Variants in CHSY1 observed in about 807,000 individuals in gnomAD.
The protein encoded by CHSY1 is N-acetylgalactosaminyl-proteoglycan 3-beta-glucuronosyltransferase 1.
Under a neutral mutation model 59.8 loss-of-function variants are expected in CHSY1, and 13 were observed. The observed-to-expected ratio is 0.22, with a 90% CI of 0.14 to 0.35. The LOEUF (loss-of-function observed/expected upper bound fraction) is 0.35. Ranked by LOEUF, CHSY1 falls within the 10% of genes least tolerant of loss-of-function variation. The probability of loss-of-function intolerance (pLI) is 1.00; values close to 1 mark genes in which losing one functional copy is unlikely to be tolerated. For missense variants in CHSY1, 947 were observed against 1,030.6 expected (o/e 0.92, Z 1.11); for synonymous variants, 459 against 401.2 (o/e 1.14, Z -1.72).
Position 101,207,984 on chromosome 15 carries a change from G to C in CHSY1, c.816+27098C>G, listed in dbSNP as rs537716210. Among the ~76,000 whole-genome samples the C allele has an allele frequency of 6.6e-5, 10 of 152,334 alleles. No individual in the cohort carries two copies. In the East Asian group the frequency reaches 1.7e-3, roughly 26 times the overall value. On this transcript the variant is annotated intron_variant, in intron 2 of 2. Coordinates refer to ENST00000254190, the MANE Select transcript of CHSY1 (RefSeq NM_014918.5). ...GTTGAGTCACATAGGGAAGGCACCG[G>C]GAAGGAGGCATTGCAACAGAGGATT...
intron 2 of CHSY1, among the ~76,000 whole-genome samples, chr15:101,217,202 ACT>A (rs2038742292): frequency 6.6e-6 from 1 of 152,196 alleles, no homozygotes; most frequent in African/African-American, 2.4e-5. Context: ...CAGGTTTCTC[ACT>A]GTTTGGGAGG....
At chr15:101,235,013 A>C in intron 2 of CHSY1, 69 bp downstream of exon 2, 3 of 1,579,506 alleles carry the variant, frequency 1.9e-6, no homozygotes, top group Middle Eastern at 1.7e-4. Context: ...GTTTCCTATG[A>C]TACGCTCAGA....
chr15:101,232,977 T>C (rs1317432321), intron 2 of CHSY1, among the ~76,000 whole-genome samples: 1 of 152,096 alleles, frequency 6.6e-6, no homozygotes, highest in African/African-American at 2.4e-5. Context: ...GCTGCTGCTG[T>C]CCCTGACCCA....
At chr15:101,206,416 C>T (rs1483831099) in intron 2 of CHSY1, among the ~76,000 whole-genome samples, 1 of 151,952 alleles carries the variant, frequency 6.6e-6, no homozygotes, top group Non-Finnish European at 1.5e-5. Flanking sequence ...GGCACACTAC[C>T]CACAGGCAGG....
intron 2 of CHSY1, among the ~76,000 whole-genome samples, chr15:101,185,165 T>C (rs1266137290): frequency 6.6e-6 from 1 of 152,212 alleles, no homozygotes; most frequent in Non-Finnish European, 1.5e-5. Flanking sequence ...CCTCAGCGTG[T>C]GGAATGGGAG....
rs1474156927 is a variant in CHSY1 at position 101,176,027 on chromosome 15, C to T, written c.*1361G>A. 2.7e-6 allele frequency: 1 copy of T among 364,788 alleles called. No homozygotes were observed. The highest frequency in any genetic ancestry group is 2.1e-5 in the African/African-American group (1 of 47,898). 22.6% of individuals were successfully genotyped at this position (364,788 alleles called of 1,614,324 possible). On this transcript the variant is annotated 3_prime_UTR_variant, in exon 3 of 3. Transcript: ENST00000254190. ...CTTTTGTCCCCAAAACACATGAGCA[C>T]CAAAATTGTCAAAGAACACTTAATA... is the stretch of plus-strand genomic sequence containing the variant.
intron 1 of CHSY1, 66 bp downstream of exon 1, chr15:101,251,071 G>A: frequency 1.4e-6 from 2 of 1,447,750 alleles, no homozygotes; most frequent in Non-Finnish European, 9.3e-7. Flanking sequence ...AGCCAGGAGA[G>A]CACCCGGGAT....
At chr15:101,229,605 C>T (rs980421341) in intron 2 of CHSY1, among the ~76,000 whole-genome samples, 1 of 152,140 alleles carries the variant, frequency 6.6e-6, no homozygotes, top group African/African-American at 2.4e-5. Flanking sequence ...GAGAATTCAA[C>T]AATAACATTA....
chr15:101,247,057 T>C (rs1249933587), intron 1 of CHSY1, among the ~76,000 whole-genome samples: 2 of 152,226 alleles, frequency 1.3e-5, no homozygotes, highest in African/African-American at 4.8e-5. Flanking sequence ...AATTATTTTA[T>C]GTGTTAACTT....
chr15:101,249,882 G>A (rs2039089635), intron 1 of CHSY1, among the ~76,000 whole-genome samples: 1 of 152,238 alleles, frequency 6.6e-6, no homozygotes, highest in African/African-American at 2.4e-5. Flanking sequence ...CTTCCTGGCG[G>A]AATGTGGGTT....
intron 2 of CHSY1, among the ~76,000 whole-genome samples, chr15:101,222,786 G>C (rs1023301239): frequency 6.6e-6 from 1 of 151,736 alleles, no homozygotes; most frequent in African/African-American, 2.4e-5. Context: ...TGCCATCATG[G>C]TGGGGGGGGT....
rs184351226 is a variant in CHSY1, at chr15:101,241,429, G to T, written c.321-5852C>A. 5.3e-4 allele frequency among the ~76,000 whole-genome samples: 81 copies of T among 152,288 alleles called. 1 individual carries two copies. Among genetic ancestry groups the T allele is most frequent in the African/African-American group, 1.9e-3 (78 of 41,562 alleles). ...GTTTTCTAAATTTTCTAAGTTTTCT[G>T]CAACAGGTATATTTAGAGCTGGAAA... On this transcript the variant is annotated intron_variant, in intron 1 of 2. Coordinates refer to ENST00000254190, the MANE Select transcript of CHSY1 (RefSeq NM_014918.5).
At chr15:101,203,107 T>C (rs925885487) in intron 2 of CHSY1, among the ~76,000 whole-genome samples, 4 of 152,232 alleles carry the variant, frequency 2.6e-5, no homozygotes, top group African/African-American at 9.6e-5. Flanking sequence ...ATCAATTTTA[T>C]TAACAACTGA....
At chr15:101,195,384 G>T (rs2038493655) in intron 2 of CHSY1, among the ~76,000 whole-genome samples, 1 of 152,168 alleles carries the variant, frequency 6.6e-6, no homozygotes, top group Non-Finnish European at 1.5e-5. Flanking sequence ...TTTGTGTCAG[G>T]ATTTCAACCA....
At chr15:101,230,438 A>G (rs2038882275) in intron 2 of CHSY1, among the ~76,000 whole-genome samples, 1 of 151,690 alleles carries the variant, frequency 6.6e-6, no homozygotes, top group Non-Finnish European at 1.5e-5. Flanking sequence ...ACATTCAAAA[A>G]CCTCTCATGA....
chr15:101,189,192 G>A (rs546874867), intron 2 of CHSY1, among the ~76,000 whole-genome samples: 63 of 152,332 alleles, frequency 4.1e-4, no homozygotes, highest in African/African-American at 6.5e-4. Flanking sequence ...GCCACGAAGC[G>A]GCCACCAGGC....
chr15:101,177,227 A>T lies in CHSY1; in HGVS notation c.*161T>A. The T allele has an allele frequency of 1.6e-6, 1 of 644,176 alleles. No individual in the cohort carries two copies. The highest frequency in any genetic ancestry group is 2.6e-6 in the Non-Finnish European group (1 of 385,556). 39.9% of individuals were successfully genotyped at this position (644,176 alleles called of 1,614,324 possible). A position where few individuals can be genotyped will look rare whatever the true frequency, so the allele number is the denominator to read the frequency against. Reference sequence around the variant, plus strand: ...AAGATGTGTTCAAAGGCAAACACTGATCACCTTCTTGTTCAGAAAGCTCAA... The same window carrying T: ...AAGATGTGTTCAAAGGCAAACACTGTTCACCTTCTTGTTCAGAAAGCTCAA... On this transcript the variant is annotated 3_prime_UTR_variant, in exon 3 of 3. Transcript: ENST00000254190.
At chr15:101,208,673 A>G (rs2038652186) in intron 2 of CHSY1, among the ~76,000 whole-genome samples, 1 of 147,916 alleles carries the variant, frequency 6.8e-6, no homozygotes, top group Non-Finnish European at 1.5e-5. Flanking sequence ...AGATCGTGCC[A>G]CTGCACTCCA....
At chr15:101,212,463 A>T (rs1317277897) in intron 2 of CHSY1, among the ~76,000 whole-genome samples, 1 of 152,254 alleles carries the variant, frequency 6.6e-6, no homozygotes, top group Non-Finnish European at 1.5e-5. Context: ...ACTGATACAC[A>T]CGACTGTATG....
Sources: allele counts gnomAD v4.1 joint callset (sites outside exome capture counted in the v4.1 genomes callset), GRCh38; gene constraint gnomAD v4.1.1; transcripts MANE v1.5; gene names NCBI Gene and HGNC (gene_info 2026-07-23, HGNC 2026-07-21).